The following CLCN5 variants were observed in gnomAD, a reference collection of about 807,000 sequenced individuals.
The protein encoded by CLCN5 is H(+)/Cl(-) exchange transporter 5.
CLCN5 carries 17 observed loss-of-function variants against 54.0 expected under a neutral mutation model. The observed-to-expected ratio is 0.31, with a 90% CI of 0.22 to 0.47. The LOEUF (loss-of-function observed/expected upper bound fraction) is 0.47, where lower values mean the gene tolerates loss of function less well. Ranked by LOEUF, CLCN5 falls within the 20% of genes least tolerant of loss-of-function variation. The pLI, the probability that CLCN5 is intolerant of heterozygous loss-of-function variation, is 1.00. For missense variants in CLCN5, 448 were observed against 646.7 expected (o/e 0.69, Z 3.33); for synonymous variants, 222 against 233.0 (o/e 0.95, Z 0.43).
chrX:49,954,873 A>G (rs782242337), intron 3 of CLCN5, among the ~76,000 whole-genome samples: 1 of 112,172 alleles, frequency 8.9e-6, no homozygotes, highest in Non-Finnish European at 1.9e-5. Flanking sequence ...GATGAGATCA[A>G]AAAACTAACT....
chrX:50,031,564 G>A (rs1175932666), intron 3 of CLCN5, among the ~76,000 whole-genome samples: 2 of 111,316 alleles, frequency 1.8e-5, no homozygotes, highest in African/African-American at 3.3e-5. Context: ...GGAATTTTCT[G>A]CAGACTGTAG....
intron 4 of CLCN5, among the ~76,000 whole-genome samples, chrX:50,048,098 T>TG (rs1173937171): frequency 9.0e-6 from 1 of 111,673 alleles, no homozygotes; most frequent in Non-Finnish European, 1.9e-5. Flanking sequence ...AAACCGGCGG[T>TG]GGGGGGTGAG....
intron 4 of CLCN5, among the ~76,000 whole-genome samples, chrX:50,063,001 T>C (rs2147521874): frequency 9.1e-6 from 1 of 110,394 alleles, no homozygotes; most frequent in East Asian, 2.8e-4. Flanking sequence ...TGGGACGCAT[T>C]CAAAGCAGTG....
intron 3 of CLCN5, chrX:50,009,774 T>C (rs1557182197): frequency 2.6e-6 from 1 of 386,893 alleles, no homozygotes. Context: ...CTGAATGCAA[T>C]GCACCCGGGC....
At chrX:49,997,091 T>A (rs1251589420) in intron 3 of CLCN5, among the ~76,000 whole-genome samples, 2 of 111,608 alleles carry the variant, frequency 1.8e-5, no homozygotes, top group Non-Finnish European at 3.8e-5. Context: ...GTTCAGCATT[T>A]TCATTTTATC....
intron 3 of CLCN5, among the ~76,000 whole-genome samples, chrX:50,036,157 C>G (rs1931988179): frequency 9.0e-6 from 1 of 111,389 alleles, no homozygotes; most frequent in Admixed American, 9.5e-5. Context: ...CTCTAAGGAA[C>G]ATTGAATTGG....
At chrX:49,972,388 C>T (rs1368851202) in intron 3 of CLCN5, among the ~76,000 whole-genome samples, 3 of 110,839 alleles carry the variant, frequency 2.7e-5, no homozygotes, top group East Asian at 2.8e-4. Context: ...TTATATTGTA[C>T]GTAATATTAG....
At chrX:49,982,675 T>G (rs1928802264) in intron 3 of CLCN5, among the ~76,000 whole-genome samples, 1 of 111,926 alleles carries the variant, frequency 8.9e-6, no homozygotes, top group Non-Finnish European at 1.9e-5. Flanking sequence ...TGCAAGCTTG[T>G]GTGCGTGTAT....
At chrX:49,940,975 A>C (rs1308863554) in intron 3 of CLCN5, among the ~76,000 whole-genome samples, 2 of 111,807 alleles carry the variant, frequency 1.8e-5, no homozygotes, top group Admixed American at 9.5e-5. Flanking sequence ...CTCAGTTCCT[A>C]TCTGCTATAC....
chrX:50,091,602 A>C (rs1312316745), intron 14 of CLCN5, among the ~76,000 whole-genome samples: 1 of 112,305 alleles, frequency 8.9e-6, no homozygotes, highest in Admixed American at 9.4e-5. Context: ...GCTCCATGTA[A>C]GAAGGTACTC....
intron 3 of CLCN5, among the ~76,000 whole-genome samples, chrX:49,975,930 C>G (rs782194611): frequency 8.9e-6 from 1 of 111,754 alleles, no homozygotes. Flanking sequence ...TCCAAAGAAC[C>G]CTTGATAATG....
At chrX:49,930,113 T>C (rs782138341) in intron 3 of CLCN5, among the ~76,000 whole-genome samples, 2 of 111,270 alleles carry the variant, frequency 1.8e-5, no homozygotes, top group South Asian at 7.4e-4. Context: ...AAAGAAGAAA[T>C]GCAAATGGCC....
At chrX:50,019,508 G>C (rs1930980646) in intron 3 of CLCN5, among the ~76,000 whole-genome samples, 1 of 61,210 alleles carries the variant, frequency 1.6e-5, no homozygotes, top group Non-Finnish European at 2.9e-5. Flanking sequence ...CTAAGTTTTA[G>C]GGTACATGTG....
chrX:50,087,870 G>A lies in CLCN5; in HGVS notation c.1558-828G>A, dbSNP rs187445274. On this transcript the variant is annotated intron_variant, in intron 11 of 14. Coordinates refer to ENST00000376091, the MANE Select transcript of CLCN5 (RefSeq NM_001127898.4). ...AACACAGGCTATTTTAAAAGAATCT[G>A]CTGTTTTGGTTATCCTTATCATCAT... is the stretch of plus-strand genomic sequence containing the variant. 4.8e-3 allele frequency among the ~76,000 whole-genome samples: 540 copies of A among 111,821 alleles called. 2 individuals carry two copies. The highest frequency in any genetic ancestry group is 9.2e-3 in the Middle Eastern group (2 of 218).
intron 3 of CLCN5, among the ~76,000 whole-genome samples, chrX:49,938,418 A>G (rs1926124232): frequency 1.8e-5 from 2 of 111,946 alleles, no homozygotes; most frequent in African/African-American, 3.2e-5. Context: ...CCAAAACAGT[A>G]TGGTACTGGT....
At chrX:49,950,643 G>A (rs782465629) in intron 3 of CLCN5, among the ~76,000 whole-genome samples, 567 of 111,653 alleles carry the variant, frequency 5.1e-3, no homozygotes, top group Non-Finnish European at 6.5e-3. Flanking sequence ...ATAAAAAAAT[G>A]TAGAATATCT....
chrX:50,091,046 A>G (rs1934081366), intron 14 of CLCN5, among the ~76,000 whole-genome samples, 160 bp downstream of exon 14: 3 of 112,069 alleles, frequency 2.7e-5, no homozygotes, highest in African/African-American at 9.7e-5. Context: ...TTTTTAAATC[A>G]TAATTAATGT....
rs191143352 is a variant in CLCN5 at position 50,053,533 on chromosome X, T to G, written c.163+11071T>G. Among the ~76,000 whole-genome samples, 4 of 110,771 alleles carry G rather than the reference T, an allele frequency of 3.6e-5. No homozygotes were observed. In the Admixed American group the frequency reaches 3.9e-4, roughly 11 times the overall value. ...TTTATTGATTTCTGTTCTAAATTTC[T>G]TATTGTCTTTGGTTTGCTTTAGGCT... On this transcript the variant is annotated intron_variant, in intron 4 of 14. Coordinates refer to ENST00000376091, the MANE Select transcript of CLCN5 (RefSeq NM_001127898.4).
At chrX:50,039,916 C>T (rs1416645892) in intron 3 of CLCN5, among the ~76,000 whole-genome samples, 1 of 111,567 alleles carries the variant, frequency 9.0e-6, no homozygotes, top group African/African-American at 3.3e-5. Context: ...TGGTCTCGAA[C>T]TCCTGACCTC....
Sources: gnomAD v4.1 joint callset for allele counts (sites outside exome capture counted in the v4.1 genomes callset) on GRCh38, gnomAD v4.1.1 for gene constraint, MANE v1.5 for transcripts, NCBI Gene and HGNC (gene_info 2026-07-23, HGNC 2026-07-21) for gene names.